KCNMA1: variants seen among roughly 807,000 people sequenced by gnomAD.
KCNMA1 encodes potassium calcium-activated channel subfamily M alpha 1, also known as Calcium-activated potassium channel subunit alpha-1.
KCNMA1 carries 29 observed loss-of-function variants against 140.0 expected under a neutral mutation model. The observed-to-expected ratio is 0.21, with a 90% CI of 0.15 to 0.28. The LOEUF is 0.28. Among genes scored for constraint, KCNMA1 ranks in the 10% least tolerant of loss-of-function variants. The pLI is 1.00. For synonymous variants in KCNMA1, 612 were observed against 611.9 expected, an observed-to-expected ratio of 1.00 and a Z score of 0.00; for missense variants, 880 against 1,602.2, an observed-to-expected ratio of 0.55 and a Z score of 7.70.
At chr10:77,048,045 G>A (rs1304623785) in intron 14 of KCNMA1, among the ~76,000 whole-genome samples, 4 of 151,494 alleles carry the variant, frequency 2.6e-5, no homozygotes, top group Admixed American at 1.3e-4. Flanking sequence ...CAATTTGAGA[G>A]GCCAAGGCAG....
chr10:77,314,612 G>A (rs1445909474), intron 2 of KCNMA1, among the ~76,000 whole-genome samples: 1 of 152,058 alleles, frequency 6.6e-6, no homozygotes, highest in Non-Finnish European at 1.5e-5. Context: ...GTTTATGTAA[G>A]TTCCAGCCCA....
chr10:77,566,780 T>G (rs944938815), intron 1 of KCNMA1, among the ~76,000 whole-genome samples: 17 of 152,190 alleles, frequency 1.1e-4, no homozygotes, highest in African/African-American at 3.6e-4. Context: ...CAAATGTTCA[T>G]GTACTCACTT....
At chr10:77,509,128 G>C (rs529749514) in intron 1 of KCNMA1, among the ~76,000 whole-genome samples, 10 of 140,506 alleles carry the variant, frequency 7.1e-5, no homozygotes, top group African/African-American at 2.8e-4. Context: ...TGTTGTTGTT[G>C]TTGTTGTTGT....
chr10:77,384,471 C>T (rs1428176158), intron 2 of KCNMA1, among the ~76,000 whole-genome samples: 1 of 152,168 alleles, frequency 6.6e-6, no homozygotes, highest in Non-Finnish European at 1.5e-5. Flanking sequence ...TTATGGAAAC[C>T]TTCCAAATAG....
At position 76,920,037 on chromosome 10, in the gene KCNMA1, TA is replaced by T. The variant is rs1236972817; in HGVS notation, c.2903-4989del. 1.4e-3 allele frequency among the ~76,000 whole-genome samples: 167 copies of T among 118,476 alleles called. 4 individuals carry two copies. Among genetic ancestry groups the T allele is most frequent in the Middle Eastern group, 4.4e-3 (1 of 228 alleles). 77.7% of individuals were successfully genotyped at this position (118,476 alleles called of 152,430 possible). A position where few individuals can be genotyped will look rare whatever the true frequency, so the allele number is the denominator to read the frequency against. ...GTGTGTGTGTATATATATATATATA[TA>T]TATATATATATATACACACAATATT... On this transcript the variant is annotated intron_variant, in intron 23 of 27. Transcript: ENST00000286628.
chr10:77,611,367 A>T (rs2086795082), intron 1 of KCNMA1, among the ~76,000 whole-genome samples: 2 of 152,252 alleles, frequency 1.3e-5, no homozygotes, highest in African/African-American at 4.8e-5. Flanking sequence ...AACCAGCCTC[A>T]GGACAAGGCC....
rs1041568557 is a variant in KCNMA1 at position 76,915,451 on chromosome 10, T to C, written c.2903-402A>G. The stretch of plus-strand genomic sequence containing the variant: ...GTGCATATCACTGCTGGTTCAGGTA[T>C]TGGACAGCCATCTCTCTCTTCCCAG... On this transcript the variant is annotated intron_variant, in intron 23 of 27. Coordinates refer to ENST00000286628, the MANE Select transcript of KCNMA1 (RefSeq NM_001161352.2). Among the ~76,000 whole-genome samples, 4 of 152,102 alleles carry C rather than the reference T, an allele frequency of 2.6e-5. 1 individual carries two copies. The highest frequency in any genetic ancestry group is 9.7e-5 in the African/African-American group (4 of 41,406).
rs2097251308 is a variant in KCNMA1 at position 77,108,648 on chromosome 10, G to A, written c.1132-76C>T. The A allele has an allele frequency of 2.8e-6, 3 of 1,068,244 alleles. No homozygotes were observed. Among genetic ancestry groups the A allele is most frequent in the Admixed American group, 3.4e-5 (2 of 58,810 alleles). The allele number at this position is 1,068,244 out of a possible 1,614,324, so 66.2% of individuals were successfully genotyped here. The stretch of plus-strand genomic sequence containing the variant: ...GGGGGGACCTGTTCAGAGGGTGGGG[G>A]CACTAAGATCTGAAAACACAAAAGG... On this transcript the variant is annotated intron_variant, in intron 8 of 27. Coordinates refer to ENST00000286628, the MANE Select transcript of KCNMA1 (RefSeq NM_001161352.2). This position sits in a 1 kb window ranked among gnomAD's most constrained non-coding sequence, Gnocchi z 4.6.
rs1234505729 is a variant in KCNMA1, at chr10:77,211,357, G to A, written c.603-26441C>T. Among the ~76,000 whole-genome samples the A allele has an allele frequency of 3.3e-5, 5 of 152,066 alleles. No individual in the cohort carries two copies. The East Asian group carries it at 9.6e-4, about 29-fold the overall frequency. ...CTGACAAAAACAAGCAGTGGGGAAG[G>A]GACTCTCTATTAAATAAATGGTGTG... On this transcript the variant is annotated intron_variant, in intron 3 of 27. Transcript: ENST00000286628.
At chr10:77,136,380 C>T (rs985858270) in intron 5 of KCNMA1, among the ~76,000 whole-genome samples, 10 of 151,850 alleles carry the variant, frequency 6.6e-5, no homozygotes, top group African/African-American at 1.9e-4. Context: ...ATTAAAATAG[C>T]GATTACCAGG....
chr10:77,326,034 T>C (rs2084062261), intron 2 of KCNMA1, among the ~76,000 whole-genome samples: 1 of 152,194 alleles, frequency 6.6e-6, no homozygotes, highest in African/African-American at 2.4e-5. Context: ...ACAGGAACCA[T>C]GCCTCTTACC....
Position 77,289,097 on chromosome 10 carries a change from T to C in KCNMA1, c.541-37841A>G, listed in dbSNP as rs184795335. The stretch of plus-strand genomic sequence containing the variant: ...TGGCCCTAACACAGCTGGGAGCCTC[T>C]TGACAGGCTTATCTCCTCCAGCTCC... On this transcript the variant is annotated intron_variant, in intron 2 of 27. Transcript: ENST00000286628. Among the ~76,000 whole-genome samples, 404 of 152,300 alleles carry C rather than the reference T, an allele frequency of 2.7e-3. 4 individuals are homozygous for C. Among genetic ancestry groups the C allele is most frequent in the African/African-American group, 9.4e-3 (391 of 41,566 alleles).
rs552635153 is a variant in KCNMA1, at chr10:77,321,230, G to A, written c.541-69974C>T. On this transcript the variant is annotated intron_variant, in intron 2 of 27. Coordinates refer to ENST00000286628, the MANE Select transcript of KCNMA1 (RefSeq NM_001161352.2). ...CAGAAGGCTCTTTGTGGAGTCCGTGGCTTCACCCTACATGCCATTCTATAA... is the reference window on the plus strand; with the variant it reads ...CAGAAGGCTCTTTGTGGAGTCCGTGACTTCACCCTACATGCCATTCTATAA... Among the ~76,000 whole-genome samples the A allele has an allele frequency of 2.4e-4, 36 of 152,288 alleles. No homozygotes were observed. The South Asian group carries it at 7.5e-3, about 32-fold the overall frequency.
At chr10:77,572,446 A>AC (rs1374312822) in intron 1 of KCNMA1, among the ~76,000 whole-genome samples, 2 of 150,498 alleles carry the variant, frequency 1.3e-5, no homozygotes, top group Admixed American at 1.3e-4. Flanking sequence ...TATCAAAAAA[A>AC]AATTCATTGA....
In KCNMA1 at chr10:77,637,778, C is replaced by T. The variant is rs1030415524; in HGVS notation, c.-136G>A. 103 of 1,286,550 alleles carry T rather than the reference C, an allele frequency of 8.0e-5. 1 individual carries two copies. Among genetic ancestry groups the T allele is most frequent in the Middle Eastern group, 5.8e-4 (2 of 3,438 alleles). The allele number at this position is 1,286,550 out of a possible 1,614,324, so 79.7% of individuals were successfully genotyped here. On this transcript the variant is annotated 5_prime_UTR_variant, in exon 1 of 28. Transcript: ENST00000286628. Reference sequence around the variant, plus strand: ...GCCGCCGCGGAGCGCGGGAGGGGGGCGGGGAGGCGCCTGGGCTCGGGGCGC... The same window carrying T: ...GCCGCCGCGGAGCGCGGGAGGGGGGTGGGGAGGCGCCTGGGCTCGGGGCGC...
At chr10:77,608,664 G>A (rs1325074598) in intron 1 of KCNMA1, among the ~76,000 whole-genome samples, 1 of 152,174 alleles carries the variant, frequency 6.6e-6, no homozygotes, top group East Asian at 1.9e-4. Context: ...ACCTCTGAGG[G>A]CAGGGACCTT....
intron 1 of KCNMA1, among the ~76,000 whole-genome samples, chr10:77,575,854 C>T (rs751324095): frequency 2.0e-5 from 3 of 152,200 alleles, no homozygotes; most frequent in Non-Finnish European, 4.4e-5. Context: ...AAAATAGAGC[C>T]CTGGGCCCCA....
At chr10:77,340,296 C>T (rs2090492576) in intron 2 of KCNMA1, among the ~76,000 whole-genome samples, 1 of 152,174 alleles carries the variant, frequency 6.6e-6, no homozygotes, top group Non-Finnish European at 1.5e-5. Context: ...TTGTGGAAGA[C>T]AGTGTGGCAA....
chr10:77,523,474 A>G (rs908543949), intron 1 of KCNMA1, among the ~76,000 whole-genome samples: 46 of 152,324 alleles, frequency 3.0e-4, no homozygotes, highest in African/African-American at 1.0e-3. Flanking sequence ...GGTAACCTCT[A>G]CCTGGGAGAG....
Sources: allele counts gnomAD v4.1 joint callset (sites outside exome capture counted in the v4.1 genomes callset), GRCh38; gene constraint gnomAD v4.1.1; non-coding constraint Gnocchi (gnomAD v3.1); transcripts MANE v1.5; gene names NCBI Gene and HGNC (gene_info 2026-07-23, HGNC 2026-07-21).